PRDM15: variants seen among roughly 807,000 people sequenced by gnomAD.
PRDM15 encodes the protein PR domain zinc finger protein 15.
PRDM15 carries 64 observed loss-of-function variants against 128.6 expected under a neutral mutation model. The observed-to-expected ratio is 0.50, with a 90% CI of 0.41 to 0.61. PRDM15 has a LOEUF of 0.61. Among genes scored for constraint, PRDM15 ranks in the 20% least tolerant of loss-of-function variants. The pLI is 0.00. For missense variants in PRDM15, 1,242 were observed against 1,569.1 expected (o/e 0.79, Z 3.52); for synonymous variants, 615 against 621.8 (o/e 0.99, Z 0.16).
chr21:41,801,595 A>G lies in PRDM15; in HGVS notation c.3071T>C (p.Val1024Ala). 1 of 1,614,116 alleles carries G rather than the reference A, an allele frequency of 6.2e-7. No individual in the cohort carries two copies. The highest frequency in any genetic ancestry group is 8.5e-7 in the Non-Finnish European group (1 of 1,180,014). The change falls in exon 24 of 24, where the codon GTG (valine) becomes GCG (alanine). Residue 1024 changes from valine (V) to alanine (A), a missense_variant. This residue lies in a region of PRDM15 where 602 missense variants were observed against 788.3 expected (regional missense o/e 0.76). Transcript: ENST00000398548. ...TQFTNLQPVAVGHLTTPERQL... is the reference protein window; with the variant it reads ...TQFTNLQPVAAGHLTTPERQL... ...GCGTTCAGGGGTGGTAAGGTGCCCC[A>G]CGGCCACCGGCTGGAGATTGGTAAA...
At chr21:41,835,000 CAGG>C (rs1409129530) in intron 11 of PRDM15, among the ~76,000 whole-genome samples, 1 of 152,150 alleles carries the variant, frequency 6.6e-6, no homozygotes, top group Non-Finnish European at 1.5e-5. Context: ...CTGGACGCCG[CAGG>C]AGATGTGGAT....
chr21:41,846,170 G>T (rs891934290), intron 6 of PRDM15, among the ~76,000 whole-genome samples: 3 of 152,212 alleles, frequency 2.0e-5, no homozygotes, highest in African/African-American at 7.2e-5. Flanking sequence ...AACCCCACCA[G>T]GCCTGGGGCC....
At position 41,810,096 on chromosome 21, in the gene PRDM15, G is replaced by A; in HGVS notation, c.2652+58C>T. ...GGAGGTGGGCCATGTGCCAGCATGG[G>A]GGTGTCCGGTGCGCGGCCCGCTGGC... On this transcript the variant is annotated intron_variant, in intron 21 of 23. Transcript: ENST00000398548. The surrounding 1 kb of genome is among the most constrained non-coding windows in gnomAD (Gnocchi z 6.4). 6.5e-7 allele frequency: 1 copy of A among 1,536,178 alleles called. No individual in the cohort carries two copies. Among genetic ancestry groups the A allele is most frequent in the Admixed American group, 1.7e-5 (1 of 58,110 alleles).
At position 41,799,692 on chromosome 21, in the gene PRDM15, G is replaced by A. The variant is rs911473018; in HGVS notation, c.*1548C>T. 6.6e-6 allele frequency: 1 copy of A among 152,480 alleles called. No homozygotes were observed. Among genetic ancestry groups the A allele is most frequent in the Non-Finnish European group, 1.5e-5 (1 of 68,050 alleles). 9.4% of individuals were successfully genotyped at this position (152,480 alleles called of 1,614,324 possible). On this transcript the variant is annotated 3_prime_UTR_variant, in exon 24 of 24. Transcript: ENST00000398548. Reference sequence around the variant, plus strand: ...GAAAAACACAATCATCCTTTGTTCTGCTGGCAACATCAGGACTGCTCCTGA... The same window carrying A: ...GAAAAACACAATCATCCTTTGTTCTACTGGCAACATCAGGACTGCTCCTGA...
At chr21:41,844,010 G>C (rs577511181) in intron 6 of PRDM15, among the ~76,000 whole-genome samples, 13 of 151,192 alleles carry the variant, frequency 8.6e-5, no homozygotes, top group South Asian at 6.3e-4. Flanking sequence ...CTGGTGGTTT[G>C]GTTTGGAAGT....
In PRDM15 at chr21:41,798,964, A is replaced by AT. The variant is rs1352932079; in HGVS notation, c.*2275dup. The AT allele has an allele frequency of 6.6e-6, 1 of 152,140 alleles. No individual in the cohort carries two copies. The highest frequency in any genetic ancestry group is 2.4e-5 in the African/African-American group (1 of 41,424). The allele number at this position is 152,140 out of a possible 1,614,324, so 9.4% of individuals were successfully genotyped here. ...TGTTTACAGAAAACTTGGGAGTTTG[A>AT]TTTTTCTTTAGAGTTCTCACTTATA... is the stretch of plus-strand genomic sequence containing the variant. On this transcript the variant is annotated 3_prime_UTR_variant, in exon 24 of 24. Transcript: ENST00000398548.
intron 1 of PRDM15, among the ~76,000 whole-genome samples, chr21:41,876,614 T>C (rs1161234999): frequency 6.6e-6 from 1 of 152,060 alleles, no homozygotes; most frequent in Non-Finnish European, 1.5e-5. Context: ...AGGAGGGACC[T>C]TTCCTTAGGA....
chr21:41,814,309 ATG>A, intron 19 of PRDM15: 1 of 53,298 alleles, frequency 1.9e-5, no homozygotes, highest in Admixed American at 2.2e-4. Context: ...TTTTATGAGA[ATG>A]CCTCGTGTTA....
chr21:41,876,996 C>A (rs528161689), intron 1 of PRDM15, among the ~76,000 whole-genome samples: 1 of 152,274 alleles, frequency 6.6e-6, no homozygotes, highest in South Asian at 2.1e-4. Context: ...AAAATCTCTG[C>A]CTGGTGCATG....
intron 11 of PRDM15, among the ~76,000 whole-genome samples, chr21:41,829,377 TAC>T (rs1203228672): frequency 6.8e-6 from 1 of 147,940 alleles, no homozygotes; most frequent in Non-Finnish European, 1.5e-5. Flanking sequence ...ACACCACAAA[TAC>T]ACACATATTC....
rs1403192255 is a variant in PRDM15 at position 41,823,405 on chromosome 21, G to A, written c.1674C>T (p.His558=). 10 of 1,564,830 alleles carry A rather than the reference G, an allele frequency of 6.4e-6. No individual in the cohort carries two copies. The highest frequency in any genetic ancestry group is 2.4e-5 in the East Asian group (1 of 41,618). The change falls in exon 14 of 24, where the codon CAC becomes CAT. Residue 558 remains histidine, a synonymous_variant. Coordinates refer to ENST00000398548, the MANE Select transcript of PRDM15 (RefSeq NM_001040424.3). The part of the protein sequence containing the change: ...RSNMNKHLLT[H]GDKKYTCEIC... ...TCTCGCAGGTGTACTTCTTGTCGCC[G>A]TGGGTGAGCAGGTGCTTGTTCATAT... is the stretch of plus-strand genomic sequence containing the variant.
rs1356694417 is a variant in PRDM15 at position 41,821,061 on chromosome 21, C to T, written c.2060+6G>A. On this transcript the variant is annotated splice_donor_region_variant and intron_variant, in intron 16 of 23. Coordinates refer to ENST00000398548, the MANE Select transcript of PRDM15 (RefSeq NM_001040424.3). This position sits in a 1 kb window ranked among gnomAD's most constrained non-coding sequence, Gnocchi z 5.4. ...CACAACCCGGGAGCCCCCGACCAGG[C>T]CTCACTTCTGCACGTTGGGGTCCGG... 1 of 1,614,196 alleles carries T rather than the reference C, an allele frequency of 6.2e-7. No individual in the cohort carries two copies.
rs755951281 is a variant in PRDM15 at position 41,879,313 on chromosome 21, G to C, written c.-53C>G. The C allele has an allele frequency of 9.1e-7, 1 of 1,094,198 alleles. No individual in the cohort carries two copies. The highest frequency in any genetic ancestry group is 1.7e-5 in the African/African-American group (1 of 59,420). The allele number at this position is 1,094,198 out of a possible 1,614,324, so 67.8% of individuals were successfully genotyped here. On this transcript the variant is annotated 5_prime_UTR_variant, in exon 1 of 24. Coordinates refer to ENST00000398548, the MANE Select transcript of PRDM15 (RefSeq NM_001040424.3). This position sits in a 1 kb window ranked among gnomAD's most constrained non-coding sequence, Gnocchi z 5.1. ...GAGCGGGATCGGATCCGGACTCCGG[G>C]TTGCGATCCGCTCCGGAAACTGCGC...
intron 19 of PRDM15, chr21:41,812,281 T>G (rs1458134657): frequency 6.6e-6 from 1 of 152,170 alleles, no homozygotes; most frequent in Non-Finnish European, 1.5e-5. Context: ...ACACAAATTG[T>G]AAGTGAGTGC....
chr21:41,825,654 G>A (rs181006160), intron 13 of PRDM15, among the ~76,000 whole-genome samples: 28 of 152,292 alleles, frequency 1.8e-4, no homozygotes, highest in Non-Finnish European at 3.8e-4. Flanking sequence ...CTGTCTCAAC[G>A]ATGCTATACA....
At chr21:41,808,156 C>T (rs931043648) in intron 21 of PRDM15, among the ~76,000 whole-genome samples, 7 of 152,230 alleles carry the variant, frequency 4.6e-5, no homozygotes, top group African/African-American at 1.7e-4. Flanking sequence ...ACCGCTCAAA[C>T]GCCAGCCTTG....
intron 13 of PRDM15, among the ~76,000 whole-genome samples, chr21:41,825,277 G>C (rs1409707975): frequency 6.6e-6 from 1 of 152,274 alleles, no homozygotes; most frequent in East Asian, 1.9e-4. Context: ...CCTGACAGCT[G>C]TGAGGACCAC....
In PRDM15 at chr21:41,826,029, G is replaced by T. The variant is rs1396110952; in HGVS notation, c.1560C>A (p.Asp520Glu). The part of the protein sequence containing the change: ...LEGVRRVKRE[D>E]LEAGGENLVR... The stretch of plus-strand genomic sequence containing the variant: ...CCAGGTTCTCCCCACCGGCCTCCAG[G>T]TCCTCTCGCTTCACTCGCCGCACTC... The change falls in exon 13 of 24, where the codon GAC becomes GAA. Residue 520 changes from aspartate (D) to glutamate (E), a missense_variant. By Grantham distance (45) the Asp-to-Glu change is conservative (BLOSUM62 2). Around this residue, in one of 3 missense-constraint regions of PRDM15, gnomAD observed 612 missense variants for 717.0 expected, o/e 0.85. Transcript: ENST00000398548. 2 of 1,614,098 alleles carry T rather than the reference G, an allele frequency of 1.2e-6. No homozygotes were observed. Among genetic ancestry groups the T allele is most frequent in the East Asian group, 2.2e-5 (1 of 44,878 alleles).
At chr21:41,816,402 G>A (rs1329255675) in intron 18 of PRDM15, among the ~76,000 whole-genome samples, 2 of 152,118 alleles carry the variant, frequency 1.3e-5, no homozygotes, top group African/African-American at 4.8e-5. Context: ...CCTCCGCAGG[G>A]GGCACAGGCA....
Sources: gnomAD v4.1 joint callset for allele counts (sites outside exome capture counted in the v4.1 genomes callset) on GRCh38, gnomAD v4.1.1 for gene constraint, gnomAD v4.1.1 regional missense constraint, Gnocchi (gnomAD v3.1) non-coding constraint, MANE v1.5 for transcripts, NCBI Gene and HGNC (gene_info 2026-07-23, HGNC 2026-07-21) for gene names.